GRXCR2: variants seen among roughly 807,000 people sequenced by gnomAD.
The protein encoded by GRXCR2 is glutaredoxin domain-containing cysteine-rich protein 2.
A neutral mutation model predicts 24.8 loss-of-function variants in GRXCR2; 23 were observed. The ratio of observed to expected loss-of-function variants is 0.93; its 90% CI spans 0.67 to 1.32. The LOEUF is 1.32. GRXCR2 is among the 40% of genes most tolerant of loss of function. The pLI is 0.00. For synonymous variants in GRXCR2, 130 were observed against 116.1 expected, an observed-to-expected ratio of 1.12 and a Z score of -0.77; for missense variants, 315 against 303.4, an observed-to-expected ratio of 1.04 and a Z score of -0.28.
chr5:145,927,213 C>A (rs1039452518), intron 2 of GRXCR2, among the ~76,000 whole-genome samples: 4 of 152,076 alleles, frequency 2.6e-5, no homozygotes, highest in Admixed American at 2.0e-4. Flanking sequence ...AATTGAATAC[C>A]CTTTATTTCC....
chr5:145,859,666 A>G lies in GRXCR2; in HGVS notation c.*67T>C. 6.8e-7 allele frequency: 1 copy of G among 1,471,748 alleles called. No homozygotes were observed. 91.2% of individuals were successfully genotyped at this position (1,471,748 alleles called of 1,614,324 possible). A position where few individuals can be genotyped will look rare whatever the true frequency, so the allele number is the denominator to read the frequency against. ...TGTTGGGAGAGGCAGGAGGAGGAGA[A>G]GGGGGCGGTTTATTAGAAATAACTT... On this transcript the variant is annotated 3_prime_UTR_variant, in exon 3 of 3. Coordinates refer to ENST00000377976, the MANE Select transcript of GRXCR2 (RefSeq NM_001080516.2).
At position 145,866,642 on chromosome 5, in the gene GRXCR2, A is replaced by G; in HGVS notation, c.423T>C (p.Phe141=). ...IIRTPMDKRD[F]VRKILQKEEE... ...CTTCCTTCTGGAGAATTTTCCTCAC[A>G]AAATCTCTCTTGTCCATTGGGGTTC... is the stretch of plus-strand genomic sequence containing the variant. The change falls in exon 2 of 3, where the codon TTT becomes TTC. Residue 141 remains phenylalanine, a synonymous_variant. Coordinates refer to ENST00000377976, the MANE Select transcript of GRXCR2 (RefSeq NM_001080516.2). 1 of 1,614,104 alleles carries G rather than the reference A, an allele frequency of 6.2e-7. No homozygotes were observed. The highest frequency in any genetic ancestry group is 1.3e-5 in the African/African-American group (1 of 75,066).
chr5:145,890,961 G>T (rs890494995), intron 2 of GRXCR2, among the ~76,000 whole-genome samples: 1 of 152,046 alleles, frequency 6.6e-6, no homozygotes, highest in African/African-American at 2.4e-5. Flanking sequence ...TCAAGAAAAA[G>T]CAGGAGTCAC....
intron 2 of GRXCR2, among the ~76,000 whole-genome samples, chr5:145,894,295 G>A (rs1409294459): frequency 5.3e-5 from 8 of 152,096 alleles, no homozygotes; most frequent in Non-Finnish European, 1.0e-4. Context: ...GAGCAGAAGT[G>A]AAGGAAATAG....
rs186187418 is a variant in GRXCR2 at position 145,895,919 on chromosome 5, G to T, written c.-69-29191C>A. Among the ~76,000 whole-genome samples, 47 of 152,254 alleles carry T rather than the reference G, an allele frequency of 3.1e-4. No homozygotes were observed. The East Asian group carries it at 6.8e-3, about 22-fold the overall frequency. On this transcript the variant is annotated intron_variant, in intron 2 of 3. Coordinates refer to the GRXCR2 transcript ENST00000639411. Reference sequence around the variant, plus strand: ...ACAGTAACCAAAACAGCATGGTACTGGTACCAATACAGAGATATAGAACAA... The same window carrying T: ...ACAGTAACCAAAACAGCATGGTACTTGTACCAATACAGAGATATAGAACAA...
intron 1 of GRXCR2, among the ~76,000 whole-genome samples, chr5:145,871,240 A>G (rs13177373): frequency 0.027 from 4,121 of 152,330 alleles, 65 homozygotes; most frequent in Middle Eastern, 0.054. Context: ...AAGAAATAGT[A>G]TAAGTACAAG....
rs112696732 is a variant in GRXCR2 at position 145,859,380 on chromosome 5, T to G, written c.*353A>C. ...TTTTACTCCTTTCTCACCACATAAT[T>G]TTGCAAAATAACTCCCAACCTGATG... On this transcript the variant is annotated 3_prime_UTR_variant, in exon 3 of 3. Transcript: ENST00000377976. The G allele has an allele frequency of 4.5e-5, 10 of 224,106 alleles. No homozygotes were observed. The highest frequency in any genetic ancestry group is 2.1e-4 in the African/African-American group (9 of 43,644). The allele number at this position is 224,106 out of a possible 1,614,324, so 13.9% of individuals were successfully genotyped here. A position where few individuals can be genotyped will look rare whatever the true frequency, so the allele number is the denominator to read the frequency against.
At chr5:145,920,724 G>A (rs924188712) in intron 2 of GRXCR2, among the ~76,000 whole-genome samples, 11 of 152,236 alleles carry the variant, frequency 7.2e-5, no homozygotes, top group African/African-American at 1.4e-4. Context: ...TCAGTTACAG[G>A]TTAGTCACCA....
chr5:145,891,800 T>C (rs58908651), intron 2 of GRXCR2, among the ~76,000 whole-genome samples: 12,935 of 152,208 alleles, frequency 0.085, 1,242 homozygotes, highest in African/African-American at 0.24. Context: ...TCTCCCAGCA[T>C]GCAGCTGGAT....
chr5:145,923,942 T>C (rs1454762645), intron 2 of GRXCR2, among the ~76,000 whole-genome samples: 1 of 152,126 alleles, frequency 6.6e-6, no homozygotes, highest in Non-Finnish European at 1.5e-5. Context: ...TTTGTGAGCG[T>C]TTCTCTTGAA....
intron 2 of GRXCR2, among the ~76,000 whole-genome samples, chr5:145,914,376 A>T (rs1034730505): frequency 2.9e-4 from 13 of 45,302 alleles, no homozygotes; most frequent in African/African-American, 1.1e-3. Context: ...AAGAAGATTT[A>T]AAAAAAATAA....
At chr5:145,865,936 G>A (rs554341040) in intron 2 of GRXCR2, among the ~76,000 whole-genome samples, 15 of 151,916 alleles carry the variant, frequency 9.9e-5, no homozygotes, top group South Asian at 2.1e-4. Context: ...ACAGGAGTTC[G>A]GGACCAGCCT....
intron 2 of GRXCR2, among the ~76,000 whole-genome samples, chr5:145,915,031 T>C (rs1757217894): frequency 6.6e-6 from 1 of 152,166 alleles, no homozygotes; most frequent in South Asian, 2.1e-4. Context: ...CATCCTCAAG[T>C]GGAATTTCCA....
chr5:145,895,289 A>G (rs1254235358), intron 2 of GRXCR2, among the ~76,000 whole-genome samples: 2 of 151,946 alleles, frequency 1.3e-5, no homozygotes, highest in Non-Finnish European at 2.9e-5. Flanking sequence ...GGCCAGGGCA[A>G]TCAAGCAGGA....
chr5:145,889,340 G>A (rs1444231683), intron 2 of GRXCR2, among the ~76,000 whole-genome samples: 1 of 151,928 alleles, frequency 6.6e-6, no homozygotes, highest in Non-Finnish European at 1.5e-5. Context: ...ATACTGCTTG[G>A]GTGATGGGTG....
chr5:145,924,683 T>G (rs1757366446), intron 2 of GRXCR2, among the ~76,000 whole-genome samples: 1 of 152,226 alleles, frequency 6.6e-6, no homozygotes, highest in Admixed American at 6.5e-5. Context: ...CTGGCTGGGA[T>G]AATACATAAC....
intron 2 of GRXCR2, among the ~76,000 whole-genome samples, chr5:145,923,931 C>A (rs1757359170): frequency 6.6e-6 from 1 of 152,038 alleles, no homozygotes; most frequent in Non-Finnish European, 1.5e-5. Context: ...CCTTTGCATA[C>A]TTTGTGAGCG....
rs1756290547 is a variant in GRXCR2, at chr5:145,859,363, C to A, written c.*370G>T. The A allele has an allele frequency of 5.0e-6, 1 of 199,624 alleles. No homozygotes were observed. 12.4% of individuals were successfully genotyped at this position (199,624 alleles called of 1,614,324 possible). A position where few individuals can be genotyped will look rare whatever the true frequency, so the allele number is the denominator to read the frequency against. On this transcript the variant is annotated 3_prime_UTR_variant, in exon 3 of 3. Coordinates refer to ENST00000377976, the MANE Select transcript of GRXCR2 (RefSeq NM_001080516.2). Reference sequence around the variant, plus strand: ...CATCAGAAACCTGCCTTTTTTACTCCTTTCTCACCACATAATTTTGCAAAA... The same window carrying A: ...CATCAGAAACCTGCCTTTTTTACTCATTTCTCACCACATAATTTTGCAAAA...
intron 1 of GRXCR2, among the ~76,000 whole-genome samples, chr5:145,870,689 T>G (rs1756514392): frequency 6.6e-6 from 1 of 152,210 alleles, no homozygotes; most frequent in South Asian, 2.1e-4. Context: ...TAGCTCTCAT[T>G]TTCTTCTTTT....
Sources: gnomAD v4.1 joint callset for allele counts (sites outside exome capture counted in the v4.1 genomes callset) on GRCh38, gnomAD v4.1.1 for gene constraint, MANE v1.5 for transcripts, NCBI Gene and HGNC (gene_info 2026-07-23, HGNC 2026-07-21) for gene names.